Variants in ZNF836 observed in about 807,000 individuals in gnomAD.
The protein encoded by ZNF836 is zinc finger protein 836.
ZNF836 carries 12 observed loss-of-function variants against 7.4 expected under a neutral mutation model. The observed-to-expected ratio is 1.61, with a 90% confidence interval of 1.03 to 2.61. The LOEUF (loss-of-function observed/expected upper bound fraction) is 2.61. Ranked by LOEUF, ZNF836 falls within the 30% of genes most tolerant of loss-of-function variation. The probability of loss-of-function intolerance (pLI) is 0.00; values close to 1 mark genes in which losing one functional copy is unlikely to be tolerated. For synonymous variants in ZNF836, 365 were observed against 382.6 expected (o/e 0.95, Z 0.54); for missense variants, 998 against 1,126.2 (o/e 0.89, Z 1.63).
rs2089173623 is a variant in ZNF836 at position 52,157,288 on chromosome 19, A to T, written c.395T>A (p.Val132Glu). Residue 132 changes from valine to glutamate, a missense_variant, in exon 5 of 5, where the codon GTA (valine) becomes GAA (glutamate). Transcript: ENST00000682614. ...GKRGQHSQED[V>E]ENKCIENQLT... is the part of the protein sequence containing the mutation. ...CTGATTTTCAATACATTTGTTTTCT[A>T]CATCCTCTTGACTATGTTGACCTCT... 1 of 1,605,790 alleles carries T rather than the reference A, an allele frequency of 6.2e-7. No individual in the cohort carries two copies. Among genetic ancestry groups the T allele is most frequent in the Non-Finnish European group, 8.5e-7 (1 of 1,174,966 alleles).
chr19:52,168,136 T>C lies in ZNF836; in HGVS notation c.-64A>G. On this transcript the variant is annotated 5_prime_UTR_variant, in exon 3 of 5. Coordinates refer to ENST00000682614, the MANE Select transcript of ZNF836 (RefSeq NM_001102657.3). ...CTTCTCTCTCAGTCAATATAATTAA[T>C]TCTTTACAAGTCAAATCTGAAAGTG... is the stretch of plus-strand genomic sequence containing the variant. The C allele has an allele frequency of 6.3e-7, 1 of 1,580,456 alleles. No homozygotes were observed. The highest frequency in any genetic ancestry group is 1.2e-5 in the South Asian group (1 of 86,168).
rs768995313 is a variant in ZNF836, at chr19:52,169,664, G to A, written c.-97C>T. 1.3e-5 allele frequency: 2 copies of A among 152,048 alleles called. No individual in the cohort carries two copies. The highest frequency in any genetic ancestry group is 2.9e-5 in the Non-Finnish European group (2 of 68,050). The allele number at this position is 152,048 out of a possible 1,614,324, so 9.4% of individuals were successfully genotyped here. A position where few individuals can be genotyped will look rare whatever the true frequency, so the allele number is the denominator to read the frequency against. On this transcript the variant is annotated 5_prime_UTR_variant, in exon 2 of 5. Transcript: ENST00000682614. Reference sequence around the variant, plus strand: ...AAGATATACCTCGTAGGCCTGGCGTGGTGGCTCCCGTCTGTAATCCCAGCA... The same window carrying A: ...AAGATATACCTCGTAGGCCTGGCGTAGTGGCTCCCGTCTGTAATCCCAGCA...
At chr19:52,168,627 T>C (rs1568575078) in intron 2 of ZNF836, among the ~76,000 whole-genome samples, 2 of 152,082 alleles carry the variant, frequency 1.3e-5, no homozygotes, top group East Asian at 3.8e-4. Context: ...AAAGAAAATG[T>C]ATGATGTGTC....
Position 52,155,159 on chromosome 19 carries a change from C to T in ZNF836, c.2524G>A (p.Ala842Thr). Residue 842 changes from alanine (A) to threonine (T), a missense_variant, in exon 5 of 5, where the codon GCT (alanine) becomes ACT (threonine). Ala to Thr is a moderately conservative substitution (Grantham distance 58). Transcript: ENST00000682614. Reference protein sequence around the residue: ...KPYKCNECGKAFIERSKLVYH... With the variant: ...KPYKCNECGKTFIERSKLVYH... ...ACCAGCTTTGACCTTTCAATAAAAG[C>T]TTTACCACATTCATTACATTTGTAA... is the stretch of plus-strand genomic sequence containing the variant. 3 of 1,614,030 alleles carry T rather than the reference C, an allele frequency of 1.9e-6. No individual in the cohort carries two copies. The highest frequency in any genetic ancestry group is 1.7e-6 in the Non-Finnish European group (2 of 1,179,952).
Position 52,156,010 on chromosome 19 carries a change from A to G in ZNF836, c.1673T>C (p.Val558Ala). Residue 558 changes from valine to alanine, a missense_variant, in exon 5 of 5, where the codon GTG becomes GCG. Val to Ala is a moderately conservative substitution (Grantham distance 64). Transcript: ENST00000682614. ...ACTGTAATTGAAGACCTTGCCACACACATTACATTTGTAAGGTTGCTCCCC... is the reference window on the plus strand; with the variant it reads ...ACTGTAATTGAAGACCTTGCCACACGCATTACATTTGTAAGGTTGCTCCCC... ...HTGEQPYKCN[V>A]CGKVFNYSGN... The G allele has an allele frequency of 6.2e-7, 1 of 1,613,990 alleles. No homozygotes were observed. The highest frequency in any genetic ancestry group is 8.5e-7 in the Non-Finnish European group (1 of 1,179,884).
chr19:52,167,818 C>T (rs781051008), intron 3 of ZNF836, among the ~76,000 whole-genome samples: 12 of 152,130 alleles, frequency 7.9e-5, no homozygotes, highest in African/African-American at 1.2e-4. Context: ...CGTCTCCATC[C>T]GTGTCTGGGT....
intron 3 of ZNF836, among the ~76,000 whole-genome samples, chr19:52,162,585 CA>C (rs1289716771): frequency 3.9e-5 from 6 of 152,182 alleles, no homozygotes; most frequent in African/African-American, 1.2e-4. Flanking sequence ...AAGAAGGGGC[CA>C]GGGGGCATCT....
chr19:52,168,653 A>C (rs74954939), intron 2 of ZNF836, among the ~76,000 whole-genome samples: 3,395 of 152,262 alleles, frequency 0.022, 132 homozygotes, highest in African/African-American at 0.078. Flanking sequence ...ACATATCTTT[A>C]TGTGTACGTG....
At chr19:52,168,339 G>A (rs1310577450) in intron 2 of ZNF836, among the ~76,000 whole-genome samples, 187 bp from the exon 3 acceptor site, 2 of 152,158 alleles carry the variant, frequency 1.3e-5, no homozygotes, top group Admixed American at 6.5e-5. Flanking sequence ...TGTAATCCCA[G>A]CACCTTAGGA....
In ZNF836 at chr19:52,167,914, T is replaced by C. The variant is rs539498354; in HGVS notation, c.15+144A>G. The stretch of plus-strand genomic sequence containing the variant: ...GCAGTGAGATAGAAGCTAAATGAGA[T>C]GAGAGAAACTGAGGGAAGGCATGGG... On this transcript the variant is annotated intron_variant, in intron 3 of 4. Coordinates refer to ENST00000682614, the MANE Select transcript of ZNF836 (RefSeq NM_001102657.3). The C allele has an allele frequency of 1.0e-5, 7 of 687,710 alleles. No individual in the cohort carries two copies. The South Asian group carries it at 1.2e-4, about 12-fold the overall frequency. 42.6% of individuals were successfully genotyped at this position (687,710 alleles called of 1,614,324 possible). A position where few individuals can be genotyped will look rare whatever the true frequency, so the allele number is the denominator to read the frequency against.
intron 3 of ZNF836, among the ~76,000 whole-genome samples, chr19:52,167,090 G>C (rs967755195): frequency 6.6e-6 from 1 of 151,834 alleles, no homozygotes; most frequent in African/African-American, 2.4e-5. Flanking sequence ...ACTGCGAAGA[G>C]TCCCAGCATG....
Position 52,155,729 on chromosome 19 carries a change from A to G in ZNF836, c.1954T>C (p.Cys652Arg). 4 of 1,614,134 alleles carry G rather than the reference A, an allele frequency of 2.5e-6. No individual in the cohort carries two copies. The highest frequency in any genetic ancestry group is 3.4e-6 in the Non-Finnish European group (4 of 1,180,010). Reference protein sequence around the residue: ...ECGKVFSYYSCLARHRKIHTG... With the variant: ...ECGKVFSYYSRLARHRKIHTG... ...TGAATTTTCCGATGACGTGCTAGGC[A>G]TGAGTAGTAACTGAAAACCTTGCCG... The change falls in exon 5 of 5, where the codon TGC (cysteine) becomes CGC (arginine). Residue 652 changes from cysteine (C) to arginine (R), a missense_variant. Transcript: ENST00000682614.
Position 52,157,236 on chromosome 19 carries a change from C to T in ZNF836, c.447G>A (p.Leu149=), listed in dbSNP as rs776307733. The change falls in exon 5 of 5, where the codon CTG becomes CTA. Residue 149 remains leucine (L), a synonymous_variant. Transcript: ENST00000682614. ...CAGTTTGAAATTTCTGCAGTTCAGT[C>T]AGACGTGACTGAAAGCTTAATGTAA... The part of the protein sequence containing the change: ...NQLTLSFQSR[L]TELQKFQTEG... 10 of 1,609,598 alleles carry T rather than the reference C, an allele frequency of 6.2e-6. No individual in the cohort carries two copies. The highest frequency in any genetic ancestry group is 8.5e-6 in the Non-Finnish European group (10 of 1,177,308).
intron 3 of ZNF836, among the ~76,000 whole-genome samples, chr19:52,167,184 A>G (rs1276025707): frequency 1.3e-5 from 2 of 151,930 alleles, no homozygotes; most frequent in African/African-American, 2.4e-5. Flanking sequence ...TTTAAAATCA[A>G]TGATGGGCCA....
intron 4 of ZNF836, among the ~76,000 whole-genome samples, chr19:52,159,557 C>T (rs944845604): frequency 6.6e-6 from 1 of 152,124 alleles, no homozygotes; most frequent in Non-Finnish European, 1.5e-5. Context: ...ATTCAGTCAC[C>T]CTTCATGAAT....
chr19:52,168,377 C>T (rs2122232327), intron 2 of ZNF836, among the ~76,000 whole-genome samples: 2 of 152,244 alleles, frequency 1.3e-5, no homozygotes, highest in South Asian at 4.1e-4. Context: ...CAACTGAAGT[C>T]AGGAGTTTGA....
chr19:52,157,620 G>A, intron 4 of ZNF836, 80 bp from the exon 5 acceptor site: 1 of 1,325,834 alleles, frequency 7.5e-7, no homozygotes, highest in Non-Finnish European at 9.8e-7. Flanking sequence ...GCCCAGGCTG[G>A]AGTGGAGTGG....
chr19:52,158,541 G>A (rs534389178), intron 4 of ZNF836, among the ~76,000 whole-genome samples: 7 of 151,978 alleles, frequency 4.6e-5, no homozygotes, highest in Non-Finnish European at 1.0e-4. Flanking sequence ...TCAGGAGTTC[G>A]AGACTAGCCT....
In ZNF836 at chr19:52,160,609, T is replaced by G. The variant is rs1313927693; in HGVS notation, c.16-18A>C. 1.1e-5 allele frequency: 18 copies of G among 1,595,574 alleles called. No homozygotes were observed. Among genetic ancestry groups the G allele is most frequent in the Non-Finnish European group, 1.5e-5 (18 of 1,174,108 alleles). ...AAAGGTCCCTGAAATGAAAAACACA[T>G]TTCAACATGAGCAATGGGAGAGCTC... is the stretch of plus-strand genomic sequence containing the variant. On this transcript the variant is annotated intron_variant, in intron 3 of 4. Transcript: ENST00000682614.
Sources: allele counts gnomAD v4.1 joint callset (sites outside exome capture counted in the v4.1 genomes callset), GRCh38; gene constraint gnomAD v4.1.1; transcripts MANE v1.5; gene names NCBI Gene and HGNC (gene_info 2026-07-23, HGNC 2026-07-21).